Variants in XPO1 observed in about 807,000 individuals in gnomAD.
The protein encoded by XPO1 is exportin-1.
A neutral mutation model predicts 133.3 loss-of-function variants in XPO1; 5 were observed. That is an observed-to-expected ratio of 0.04 (90% CI 0.02 to 0.08). The LOEUF is 0.08. Among genes scored for constraint, XPO1 ranks in the 10% least tolerant of loss-of-function variants. XPO1 has a pLI of 1.00. For missense variants in XPO1, 506 were observed against 1,267.5 expected, an observed-to-expected ratio of 0.40 and a Z score of 9.12; for synonymous variants, 419 against 408.2, an observed-to-expected ratio of 1.03 and a Z score of -0.32.
intron 17 of XPO1, among the ~76,000 whole-genome samples, chr2:61,489,413 C>CAAA: frequency 7.1e-6 from 1 of 140,580 alleles, no homozygotes; most frequent in East Asian, 2.1e-4. Context: ...AACTCCATCT[C>CAAA]AAAAAAAAAA....
intron 4 of XPO1, among the ~76,000 whole-genome samples, chr2:61,512,023 C>A (rs905534702): frequency 6.6e-6 from 1 of 152,104 alleles, no homozygotes; most frequent in Non-Finnish European, 1.5e-5. Context: ...CCTGCCTAGG[C>A]CTCCCAAAGT....
upstream of XPO1, chr2:61,538,414 G>A (rs1181369631): frequency 6.5e-6 from 1 of 153,282 alleles, no homozygotes; most frequent in Admixed American, 6.5e-5. Context: ...GCCGCGCCAT[G>A]AGCCTATCTC....
intron 4 of XPO1, among the ~76,000 whole-genome samples, chr2:61,504,518 CA>C (rs1186622700): frequency 2.0e-5 from 3 of 152,132 alleles, no homozygotes; most frequent in African/African-American, 7.2e-5. Flanking sequence ...GTCACCAAAT[CA>C]GTTAAATTAT....
At chr2:61,509,168 A>ATT (rs938167243) in intron 4 of XPO1, among the ~76,000 whole-genome samples, 2 of 140,572 alleles carry the variant, frequency 1.4e-5, no homozygotes. Flanking sequence ...CGCCCAGCTG[A>ATT]TTTTTTTTTT....
intron 16 of XPO1, among the ~76,000 whole-genome samples, 179 bp from the exon 17 acceptor site, chr2:61,490,955 G>GACC (rs1462975570): frequency 6.6e-6 from 1 of 152,158 alleles, no homozygotes; most frequent in East Asian, 1.9e-4. Flanking sequence ...AGGAGTTGCA[G>GACC]ACCAGCCTGA....
chr2:61,526,265 GAATT>G, intron 3 of XPO1, 151 bp downstream of exon 3: 1 of 1,435,918 alleles, frequency 7.0e-7, no homozygotes, highest in Non-Finnish European at 9.0e-7. Flanking sequence ...CTATTTGCAA[GAATT>G]AATTATATGC....
chr2:61,535,834 T>A (rs531634121), intron 1 of XPO1, among the ~76,000 whole-genome samples: 28 of 152,162 alleles, frequency 1.8e-4, no homozygotes, highest in Admixed American at 1.0e-3. Context: ...AGAGGAAATA[T>A]ATATTCCACA....
chr2:61,488,517 G>T, intron 18 of XPO1, 71 bp downstream of exon 18: 1 of 1,463,362 alleles, frequency 6.8e-7, no homozygotes, highest in Non-Finnish European at 9.3e-7. Flanking sequence ...AACATCAAAT[G>T]TTTGACTTAA....
chr2:61,483,550 A>G (rs1367656231), intron 21 of XPO1: 1 of 184,562 alleles, frequency 5.4e-6, no homozygotes, highest in African/African-American at 2.4e-5. Context: ...AAAACTATTG[A>G]AATAAAAAAA....
At chr2:61,534,909 A>AAT (rs1240798862) in intron 1 of XPO1, among the ~76,000 whole-genome samples, 2 of 152,190 alleles carry the variant, frequency 1.3e-5, no homozygotes, top group Non-Finnish European at 2.9e-5. Context: ...ATATTTACTG[A>AAT]ATATATGATC....
At chr2:61,517,674 C>T (rs145113565) in intron 4 of XPO1, among the ~76,000 whole-genome samples, 3 of 152,282 alleles carry the variant, frequency 2.0e-5, no homozygotes, top group Admixed American at 2.0e-4. Context: ...AATTTCCCAG[C>T]CAGGCTTGGT....
intron 4 of XPO1, among the ~76,000 whole-genome samples, chr2:61,514,629 C>A (rs1698270463): frequency 6.6e-6 from 1 of 150,884 alleles, no homozygotes; most frequent in South Asian, 2.1e-4. Flanking sequence ...ATTAAAACCA[C>A]CATGAGATGC....
chr2:61,482,617 T>C, intron 22 of XPO1, 78 bp from the exon 23 acceptor site: 1 of 1,321,776 alleles, frequency 7.6e-7, no homozygotes, highest in South Asian at 1.6e-5. Context: ...GTTTTGTTTT[T>C]TTTTTTTAGA....
chr2:61,485,581 C>G (rs1264412981), intron 20 of XPO1, 187 bp downstream of exon 20: 1 of 467,652 alleles, frequency 2.1e-6, no homozygotes, highest in Admixed American at 3.8e-5. Flanking sequence ...CTATATTGCC[C>G]AGGTTGGTTT....
At chr2:61,493,091 T>TA (rs758984099) in intron 12 of XPO1, 38 bp from the exon 13 acceptor site, 1 of 1,531,566 alleles carries the variant, frequency 6.5e-7, no homozygotes, top group South Asian at 1.3e-5. Context: ...AAAAAATCGT[T>TA]AGATCACTGA....
chr2:61,534,097 T>TA, intron 1 of XPO1, 194 bp from the exon 2 acceptor site: 1 of 496,578 alleles, frequency 2.0e-6, no homozygotes, highest in Non-Finnish European at 3.3e-6. Context: ...GATAATTACA[T>TA]AAATTATTAT....
Position 61,522,645 on chromosome 2 carries a change from T to C in XPO1, c.267A>G (p.Thr89=). 6.2e-7 allele frequency: 1 copy of C among 1,613,906 alleles called. No homozygotes were observed. The highest frequency in any genetic ancestry group is 2.2e-5 in the East Asian group (1 of 44,844). ...GGTTCCTTGGAAGAATCTTCCACCT[T>C]GTTTTTATCACATTTTCCAAAATTT... ...GLQILENVIK[T]RWKILPRNQC... is the part of the protein sequence containing the mutation. The change falls in exon 4 of 25, where the codon ACA becomes ACG. Residue 89 remains threonine, a synonymous_variant. Coordinates refer to ENST00000401558, the MANE Select transcript of XPO1 (RefSeq NM_003400.4).
chr2:61,481,443 T>G (rs564702505), intron 23 of XPO1, among the ~76,000 whole-genome samples, 162 bp from the exon 24 acceptor site: 2 of 151,886 alleles, frequency 1.3e-5, no homozygotes, highest in East Asian at 1.9e-4. Context: ...CAATAATGTT[T>G]TTTTTTTTTA....
intron 16 of XPO1, 116 bp downstream of exon 16, chr2:61,491,919 T>C: frequency 1.5e-6 from 2 of 1,298,520 alleles, no homozygotes; most frequent in Non-Finnish European, 2.1e-6. Context: ...AGAAAGAAAA[T>C]TTAATCAGAA....
Sources: gnomAD v4.1 joint callset for allele counts (sites outside exome capture counted in the v4.1 genomes callset) on GRCh38, gnomAD v4.1.1 for gene constraint, MANE v1.5 for transcripts, NCBI Gene and HGNC (gene_info 2026-07-23, HGNC 2026-07-21) for gene names.